The following CANX variants were observed in gnomAD, a reference collection of about 807,000 sequenced individuals.
CANX encodes calnexin.
A neutral mutation model predicts 75.7 loss-of-function variants in CANX; 14 were observed. The observed-to-expected ratio is 0.19, with a 90% CI of 0.12 to 0.29. CANX has a LOEUF of 0.29. CANX is among the 10% of genes least tolerant of loss of function. The pLI, the probability that CANX is intolerant of heterozygous loss-of-function variation, is 1.00. For missense variants in CANX, 567 were observed against 713.2 expected, an observed-to-expected ratio of 0.79 and a Z score of 2.34; for synonymous variants, 227 against 236.9, an observed-to-expected ratio of 0.96 and a Z score of 0.38.
intron 12 of CANX, among the ~76,000 whole-genome samples, chr5:179,724,454 T>C (rs180678899): frequency 6.6e-6 from 1 of 152,284 alleles, no homozygotes; most frequent in East Asian, 1.9e-4. Context: ...TTTGTTTTTA[T>C]TGTTCTACCT....
At chr5:179,698,771 C>A, upstream of CANX, 1 of 654,040 alleles carries the variant, frequency 1.5e-6, no homozygotes, top group Non-Finnish European at 2.3e-6. Flanking sequence ...TCCTGCCTCA[C>A]TCCCGGCCAA....
intron 1 of CANX, among the ~76,000 whole-genome samples, chr5:179,688,978 G>A (rs959698555): frequency 1.3e-5 from 2 of 150,790 alleles, no homozygotes; most frequent in Non-Finnish European, 3.0e-5. Context: ...GCCGGGTGTG[G>A]TGGCTCATGC....
At chr5:179,698,632 C>T, upstream of CANX, 4 of 1,256,088 alleles carry the variant, frequency 3.2e-6, no homozygotes, top group Non-Finnish European at 4.2e-6. Context: ...TGGGTTGGAA[C>T]GCCCCGAAGG....
At chr5:179,704,607 A>T (rs926137531) in intron 1 of CANX, among the ~76,000 whole-genome samples, 1 of 151,918 alleles carries the variant, frequency 6.6e-6, no homozygotes, top group Non-Finnish European at 1.5e-5. Context: ...AGGCTGAGGC[A>T]GGTGGATCAC....
At chr5:179,687,571 T>A (rs1776212830) in intron 1 of CANX, among the ~76,000 whole-genome samples, 1 of 152,178 alleles carries the variant, frequency 6.6e-6, no homozygotes, top group African/African-American at 2.4e-5. Flanking sequence ...AAATAAACCC[T>A]CATGCTCACT....
At chr5:179,699,555 T>G (rs1283832848) in intron 1 of CANX, 1 of 152,176 alleles carries the variant, frequency 6.6e-6, no homozygotes. Context: ...CGTTACAGTT[T>G]AATATTTGAA....
Position 179,728,847 on chromosome 5 carries a change from T to G in CANX, c.*203T>G, listed in dbSNP as rs1778832665. 1 of 664,998 alleles carries G rather than the reference T, an allele frequency of 1.5e-6. No individual in the cohort carries two copies. Among genetic ancestry groups the G allele is most frequent in the Non-Finnish European group, 2.8e-6 (1 of 360,664 alleles). The allele number at this position is 664,998 out of a possible 1,614,324, so 41.2% of individuals were successfully genotyped here. A position where few individuals can be genotyped will look rare whatever the true frequency, so the allele number is the denominator to read the frequency against. On this transcript the variant is annotated 3_prime_UTR_variant, in exon 15 of 15. Coordinates refer to ENST00000247461, the MANE Select transcript of CANX (RefSeq NM_001746.4). ...CAGTTGTGATATAAAGGACCCTGTT[T>G]CTGTAGAAAAGAAAACATTTAACAT...
rs551656982 is a variant in CANX, at chr5:179,705,704, G to C, written c.23G>C (p.Cys8Ser). The change falls in exon 2 of 15, where the codon TGT (cysteine) becomes TCT (serine). Residue 8 changes from cysteine to serine, a missense_variant. By Grantham distance (112) the Cys-to-Ser change is moderately radical. Around this residue, in one of 3 missense-constraint regions of CANX, gnomAD observed 351 missense variants for 433.8 expected, o/e 0.81. Coordinates refer to ENST00000247461, the MANE Select transcript of CANX (RefSeq NM_001746.4). The stretch of plus-strand genomic sequence containing the variant: ...ATCATGGAAGGGAAGTGGTTGCTGT[G>C]TATGTTACTGGTGCTTGGAACTGCT... MEGKWLL[C>S]MLLVLGTAIV... is the part of the protein sequence containing the mutation. 2 of 1,566,300 alleles carry C rather than the reference G, an allele frequency of 1.3e-6. No homozygotes were observed. The highest frequency in any genetic ancestry group is 1.7e-6 in the Non-Finnish European group (2 of 1,155,102).
intron 14 of CANX, among the ~76,000 whole-genome samples, chr5:179,727,682 G>C (rs1452247565): frequency 6.6e-6 from 1 of 152,196 alleles, no homozygotes; most frequent in East Asian, 1.9e-4. Context: ...TGTGTCTGCT[G>C]TGTTTCCTAT....
chr5:179,712,914 ATT>A (rs59991190), intron 7 of CANX, among the ~76,000 whole-genome samples: 3,591 of 141,568 alleles, frequency 0.025, 73 homozygotes, highest in Non-Finnish European at 0.037. Context: ...TATTATTATT[ATT>A]TTTTTTTTTT....
intron 8 of CANX, among the ~76,000 whole-genome samples, chr5:179,717,612 C>T (rs1778041245): frequency 6.6e-6 from 1 of 152,090 alleles, no homozygotes; most frequent in African/African-American, 2.4e-5. Context: ...TTTATCCATC[C>T]TTTGGTGGAC....
chr5:179,691,564 A>T (rs1276001358), intron 1 of CANX, among the ~76,000 whole-genome samples: 1 of 152,156 alleles, frequency 6.6e-6, no homozygotes, highest in East Asian at 1.9e-4. Context: ...AAAGAAAAAA[A>T]AATGAGTCAA....
In CANX at chr5:179,715,411, G is replaced by A. The variant is rs146570052; in HGVS notation, c.722-694G>A. Among the ~76,000 whole-genome samples the A allele has an allele frequency of 7.6e-3, 1,163 of 152,174 alleles. 6 individuals are homozygous for A. The highest frequency in any genetic ancestry group is 0.012 in the Non-Finnish European group (846 of 67,992). On this transcript the variant is annotated intron_variant, in intron 7 of 14. Transcript: ENST00000247461. Reference sequence around the variant, plus strand: ...TAGCTGGGCATGGTGGCACGGGGCCGTCTGTAGTTCCAGCTACTGCGGAGG... The same window carrying A: ...TAGCTGGGCATGGTGGCACGGGGCCATCTGTAGTTCCAGCTACTGCGGAGG...
chr5:179,695,060 T>G (rs188846314), upstream of CANX, among the ~76,000 whole-genome samples: 7 of 134,200 alleles, frequency 5.2e-5, no homozygotes, highest in East Asian at 1.6e-3. Context: ...ATTTATTTAT[T>G]TATTTTTGAG....
At position 179,724,695 on chromosome 5, in the gene CANX, A is replaced by G. The variant is rs767386089; in HGVS notation, c.1557A>G (p.Ala519=). 5 of 1,613,280 alleles carry G rather than the reference A, an allele frequency of 3.1e-6. No individual in the cohort carries two copies. The Admixed American group carries it at 6.7e-5, about 22-fold the overall frequency. ...TSGMEYKKTD[A]PQPDVKEEEE... ...GTATGGAGTATAAGAAAACTGATGC[A>G]CCTCAACCGGATGTGAAGGAAGAGG... Residue 519 remains alanine, a synonymous_variant, in exon 13 of 15, where the codon GCA becomes GCG. Coordinates refer to ENST00000247461, the MANE Select transcript of CANX (RefSeq NM_001746.4).
At chr5:179,723,182 A>G (rs1168487690) in intron 11 of CANX, among the ~76,000 whole-genome samples, 163 bp downstream of exon 11, 1 of 151,998 alleles carries the variant, frequency 6.6e-6, no homozygotes, top group Non-Finnish European at 1.5e-5. Flanking sequence ...GCATGATTTC[A>G]TTAGTCTAAT....
At chr5:179,699,724 C>T (rs746521562) in intron 1 of CANX, 1 of 152,228 alleles carries the variant, frequency 6.6e-6, no homozygotes, top group Non-Finnish European at 1.5e-5. Flanking sequence ...AGGAAAGCCC[C>T]CGAAAGCTCA....
At chr5:179,720,713 T>G (rs1326978962) in intron 10 of CANX, among the ~76,000 whole-genome samples, 153 bp downstream of exon 10, 1 of 152,222 alleles carries the variant, frequency 6.6e-6, no homozygotes, top group African/African-American at 2.4e-5. Flanking sequence ...GAGAGCTTAA[T>G]GGGTTAGGTA....
At chr5:179,721,047 GC>G (rs1394482647) in intron 10 of CANX, among the ~76,000 whole-genome samples, 1 of 151,770 alleles carries the variant, frequency 6.6e-6, no homozygotes, top group African/African-American at 2.4e-5. Context: ...CTCCTAAAGT[GC>G]TGGGATTACA....
Sources: gnomAD v4.1 joint callset for allele counts (sites outside exome capture counted in the v4.1 genomes callset) on GRCh38, gnomAD v4.1.1 for gene constraint, gnomAD v4.1.1 regional missense constraint, MANE v1.5 for transcripts, NCBI Gene and HGNC (gene_info 2026-07-23, HGNC 2026-07-21) for gene names.